Variants in IFI16 observed in about 807,000 individuals in gnomAD.
IFI16 encodes interferon gamma inducible protein 16.
In IFI16, 49 loss-of-function variants were observed where a neutral mutation model predicts 68.4. That is an observed-to-expected ratio of 0.72 (90% CI 0.57 to 0.91). The LOEUF (loss-of-function observed/expected upper bound fraction) is 0.91. Among genes scored for constraint, IFI16 ranks in the 40% least tolerant of loss-of-function variants. The probability of loss-of-function intolerance (pLI) is 0.00; values close to 1 mark genes in which losing one functional copy is unlikely to be tolerated. For missense variants in IFI16, 878 were observed against 942.9 expected (o/e 0.93, Z 0.90); for synonymous variants, 307 against 315.0 (o/e 0.97, Z 0.27).
intron 6 of IFI16, among the ~76,000 whole-genome samples, chr1:159,031,047 T>C (rs956582950): frequency 6.6e-6 from 1 of 152,032 alleles, no homozygotes; most frequent in Non-Finnish European, 1.5e-5. Context: ...CTCAGGCCAA[T>C]GGAGGTATAT....
chr1:159,051,330 A>G (rs1470882472), intron 9 of IFI16, among the ~76,000 whole-genome samples: 1 of 152,176 alleles, frequency 6.6e-6, no homozygotes, highest in Non-Finnish European at 1.5e-5. Flanking sequence ...CTAAAATCTC[A>G]TCTCTTTTGG....
At chr1:159,012,111 A>AT (rs11403286) in intron 1 of IFI16, among the ~76,000 whole-genome samples, 120,043 of 152,002 alleles carry the variant, frequency 0.79, 51,368 homozygotes, top group Non-Finnish European at 0.95. Context: ...AATTTTATTC[A>AT]TGTTTTCCTA....
chr1:159,029,991 A>G (rs66632343), intron 6 of IFI16, among the ~76,000 whole-genome samples: 42,870 of 151,836 alleles, frequency 0.28, 8,129 homozygotes, highest in African/African-American at 0.54. Flanking sequence ...AGCTTTGTTC[A>G]TTTTTAATTC....
Position 159,045,336 on chromosome 1 carries a change from A to G in IFI16, c.1369A>G (p.Arg457Gly). 2.7e-6 allele frequency: 4 copies of G among 1,499,414 alleles called. No individual in the cohort carries two copies. The highest frequency in any genetic ancestry group is 3.7e-6 in the Non-Finnish European group (4 of 1,084,644). The allele number at this position is 1,499,414 out of a possible 1,614,324, so 92.9% of individuals were successfully genotyped here. Reference protein sequence around the residue: ...DTISKMNDFMRMQILKEGSHF... With the variant: ...DTISKMNDFMGMQILKEGSHF... ...AATCTCCAAAATGAATGACTTCATG[A>G]GGATGCAGATACTGAAGGAAGGGAG... The change falls in exon 8 of 12, where the codon AGG becomes GGG. Residue 457 changes from arginine (R) to glycine (G), a missense_variant. Coordinates refer to ENST00000295809, the MANE Select transcript of IFI16 (RefSeq NM_001376587.1).
chr1:159,015,071 C>T (rs1484981498), intron 2 of IFI16, 126 bp downstream of exon 2: 1 of 899,340 alleles, frequency 1.1e-6, no homozygotes, highest in African/African-American at 1.7e-5. Flanking sequence ...ACAGCTGAGA[C>T]AATGTTGGTA....
At chr1:159,010,982 A>T (rs1652517710) in intron 1 of IFI16, among the ~76,000 whole-genome samples, 1 of 152,252 alleles carries the variant, frequency 6.6e-6, no homozygotes, top group Admixed American at 6.5e-5. Flanking sequence ...GAATTTTATT[A>T]GATAAATGTT....
chr1:159,052,030 C>A lies in IFI16; in HGVS notation c.2017C>A (p.Pro673Thr), dbSNP rs754910559. ...ATTGATTAGAAGTGCCAGCGTAACT[C>A]CTAAAATCAATCAGCTTTGCTCACA... ...KGLIRSASVT[P>T]KINQLCSQTK... Residue 673 changes from proline (P) to threonine (T), a missense_variant, in exon 10 of 12, where the codon CCT (proline) becomes ACT (threonine). This residue lies in a region of IFI16 where 311 missense variants were observed against 305.1 expected (regional missense o/e 1.02). Transcript: ENST00000295809. 1 of 1,613,952 alleles carries A rather than the reference C, an allele frequency of 6.2e-7. No homozygotes were observed. Among genetic ancestry groups the A allele is most frequent in the Non-Finnish European group, 8.5e-7 (1 of 1,179,930 alleles).
At chr1:159,000,673 A>T (rs1434677683) in intron 1 of IFI16, among the ~76,000 whole-genome samples, 3 of 152,186 alleles carry the variant, frequency 2.0e-5, no homozygotes, top group Non-Finnish European at 4.4e-5. Flanking sequence ...ACAGTAGATA[A>T]AGCTCAATTT....
At chr1:159,051,570 T>G in intron 9 of IFI16, 109 bp from the exon 10 acceptor site, 1 of 792,298 alleles carries the variant, frequency 1.3e-6, no homozygotes. Flanking sequence ...CTTTACCCAG[T>G]TAAGGTGATA....
intron 7 of IFI16, among the ~76,000 whole-genome samples, chr1:159,039,587 TCCCG>T (rs1654501918): frequency 2.0e-5 from 3 of 152,034 alleles, no homozygotes; most frequent in Admixed American, 2.0e-4. Flanking sequence ...CAGGCAATCC[TCCCG>T]CCTCGGCCTC....
chr1:159,025,658 A>G (rs11265133), intron 6 of IFI16, among the ~76,000 whole-genome samples: 45,377 of 152,110 alleles, frequency 0.3, 9,459 homozygotes, highest in African/African-American at 0.59. Flanking sequence ...CTTGCTACGC[A>G]GAAGCTTTTT....
At chr1:159,035,647 G>GA (rs1654278840) in intron 7 of IFI16, among the ~76,000 whole-genome samples, 1 of 152,172 alleles carries the variant, frequency 6.6e-6, no homozygotes, top group African/African-American at 2.4e-5. Context: ...TGACTCGCAG[G>GA]TGAGTATAGT....
intron 8 of IFI16, among the ~76,000 whole-genome samples, chr1:159,049,118 C>T (rs1402885998): frequency 1.3e-5 from 2 of 149,606 alleles, no homozygotes; most frequent in South Asian, 4.2e-4. Flanking sequence ...AGCCATGCTG[C>T]CCCCAAAATA....
chr1:159,051,895 A>G lies in IFI16; in HGVS notation c.1882A>G (p.Lys628Glu), dbSNP rs1557883970. 6.2e-7 allele frequency: 1 copy of G among 1,614,096 alleles called. No homozygotes were observed. Among genetic ancestry groups the G allele is most frequent in the East Asian group, 2.2e-5 (1 of 44,890 alleles). ...CCTAAAGGAGAAGTTCACCCCAAAG[A>G]AGATCATTGCCATAGCAAATTATGT... ...IDLKEKFTPKKIIAIANYVCR... is the reference protein window; with the variant it reads ...IDLKEKFTPKEIIAIANYVCR... The change falls in exon 10 of 12, where the codon AAG (lysine) becomes GAG (glutamate). Residue 628 changes from lysine (K) to glutamate (E), a missense_variant. By Grantham distance (56) the Lys-to-Glu change is moderately conservative. This residue lies in a region of IFI16 where 311 missense variants were observed against 305.1 expected (regional missense o/e 1.02). Coordinates refer to ENST00000295809, the MANE Select transcript of IFI16 (RefSeq NM_001376587.1).
At chr1:159,003,590 G>A (rs1201770707), upstream of IFI16, among the ~76,000 whole-genome samples, 1 of 151,948 alleles carries the variant, frequency 6.6e-6, no homozygotes, top group Non-Finnish European at 1.5e-5. Flanking sequence ...GGAACAAAAA[G>A]ACCAAGGCGA....
chr1:159,015,536 A>G (rs1031197900), intron 2 of IFI16: 3 of 179,130 alleles, frequency 1.7e-5, no homozygotes, highest in South Asian at 2.7e-4. Flanking sequence ...CCATCATGAA[A>G]ACATTAGTTT....
chr1:159,028,772 T>A (rs1463586114), intron 6 of IFI16, among the ~76,000 whole-genome samples: 1 of 91,996 alleles, frequency 1.1e-5, no homozygotes, highest in African/African-American at 7.9e-5. Context: ...TTGTCTTTTT[T>A]AACTGCTGTT....
upstream of IFI16, chr1:159,005,934 A>G (rs1398045154): frequency 6.5e-6 from 1 of 152,764 alleles, no homozygotes; most frequent in Non-Finnish European, 1.5e-5. Context: ...CAGCGCCCCC[A>G]TCAGCTTTTC....
At chr1:159,037,465 C>G (rs1654396670) in intron 7 of IFI16, among the ~76,000 whole-genome samples, 1 of 152,108 alleles carries the variant, frequency 6.6e-6, no homozygotes, top group Non-Finnish European at 1.5e-5. Context: ...CTTTTGGATT[C>G]AAAACCTGAA....
Sources: allele counts gnomAD v4.1 joint callset (sites outside exome capture counted in the v4.1 genomes callset), GRCh38; gene constraint gnomAD v4.1.1; regional missense constraint gnomAD v4.1.1; transcripts MANE v1.5; gene names NCBI Gene and HGNC (gene_info 2026-07-23, HGNC 2026-07-21).